Variants in PSAP observed in about 807,000 individuals in gnomAD.
The protein encoded by PSAP is precursor of saposins.
A neutral mutation model predicts 66.0 loss-of-function variants in PSAP; 25 were observed. The ratio of observed to expected loss-of-function variants is 0.38; its 90% CI spans 0.28 to 0.53. The LOEUF (loss-of-function observed/expected upper bound fraction) is 0.53, where lower values mean the gene tolerates loss of function less well. PSAP is among the 20% of genes least tolerant of loss of function. The pLI, the probability that PSAP is intolerant of heterozygous loss-of-function variation, is 0.83. For missense variants in PSAP, 649 were observed against 668.8 expected (o/e 0.97, Z 0.33); for synonymous variants, 273 against 258.9 (o/e 1.05, Z -0.52).
chr10:71,831,362 A>T (rs1842512493), intron 3 of PSAP, 111 bp from the exon 4 acceptor site: 11 of 1,417,682 alleles, frequency 7.8e-6, no homozygotes, highest in Non-Finnish European at 9.7e-6. Context: ...CCTGGAAAAC[A>T]GCCAGCCCTC....
At position 71,851,241 on chromosome 10, in the gene PSAP, G is replaced by A. The variant is rs1262622123; in HGVS notation, c.-20C>T. 5.8e-6 allele frequency: 9 copies of A among 1,550,196 alleles called. No individual in the cohort carries two copies. Among genetic ancestry groups the A allele is most frequent in the African/African-American group, 2.7e-5 (2 of 73,054 alleles). On this transcript the variant is annotated 5_prime_UTR_variant, in exon 1 of 14. Coordinates refer to ENST00000394936, the MANE Select transcript of PSAP (RefSeq NM_002778.4). ...GTACATAGCGCCGTCTGACTCCGCAGTCTGCAATGCGGAGCGTCAGCTGAT... is the reference window on the plus strand; with the variant it reads ...GTACATAGCGCCGTCTGACTCCGCAATCTGCAATGCGGAGCGTCAGCTGAT...
At position 71,816,649 on chromosome 10, in the gene PSAP, A is replaced by C; in HGVS notation, c.*792T>G. On this transcript the variant is annotated 3_prime_UTR_variant, in exon 14 of 14. Transcript: ENST00000394936. ...CCTCAACAGCCAGGGACATGTAGGC[A>C]ACACGAGCAGGCACAGCGCGGCCAC... is the stretch of plus-strand genomic sequence containing the variant. The C allele has an allele frequency of 2.8e-6, 1 of 360,894 alleles. No homozygotes were observed. The highest frequency in any genetic ancestry group is 5.6e-6 in the Non-Finnish European group (1 of 177,240). The allele number at this position is 360,894 out of a possible 1,614,324, so 22.4% of individuals were successfully genotyped here.
At chr10:71,820,051 G>A in intron 9 of PSAP, 151 bp from the exon 10 acceptor site, 2 of 919,260 alleles carry the variant, frequency 2.2e-6, no homozygotes, top group Non-Finnish European at 3.5e-6. Context: ...CAGGGCAATG[G>A]TGTCCACCTC....
In PSAP at chr10:71,817,341, T is replaced by C; in HGVS notation, c.*100A>G. Reference sequence around the variant, plus strand: ...TGGGGGAGGTGGGGGAGCCCTATTTTTATAACAAAGTCAAACAGATCTGTG... The same window carrying C: ...TGGGGGAGGTGGGGGAGCCCTATTTCTATAACAAAGTCAAACAGATCTGTG... On this transcript the variant is annotated 3_prime_UTR_variant, in exon 14 of 14. Transcript: ENST00000394936. 1 of 1,337,930 alleles carries C rather than the reference T, an allele frequency of 7.5e-7. No homozygotes were observed. Among genetic ancestry groups the C allele is most frequent in the Non-Finnish European group, 1.1e-6 (1 of 929,642 alleles). 82.9% of individuals were successfully genotyped at this position (1,337,930 alleles called of 1,614,324 possible).
At chr10:71,851,057 A>C in intron 1 of PSAP, 125 bp downstream of exon 1, 37 of 1,072,166 alleles carry the variant, frequency 3.5e-5, no homozygotes, top group East Asian at 1.1e-4. Context: ...GCGCCTGCGC[A>C]GTGCGCGCGC....
At chr10:71,821,787 A>G (rs771938151) in intron 8 of PSAP, 89 bp downstream of exon 8, 65 of 1,576,744 alleles carry the variant, frequency 4.1e-5, no homozygotes, top group Non-Finnish European at 5.1e-5. Context: ...ACCGAAAGAA[A>G]CAAGTGACTC....
At chr10:71,821,631 A>G (rs1385356640) in intron 8 of PSAP, among the ~76,000 whole-genome samples, 1 of 152,230 alleles carries the variant, frequency 6.6e-6, no homozygotes, top group Non-Finnish European at 1.5e-5. Flanking sequence ...GAAAATACAC[A>G]GGCTAATGAT....
In PSAP at chr10:71,817,392, A is replaced by C; in HGVS notation, c.*49T>G. ...CGTTCATTCCCCCAGACACACAAGT[A>C]GAAAAAAACCAATGCTGTGGTTTCT... On this transcript the variant is annotated 3_prime_UTR_variant, in exon 14 of 14. Transcript: ENST00000394936. 1 of 1,597,898 alleles carries C rather than the reference A, an allele frequency of 6.3e-7. No individual in the cohort carries two copies. The highest frequency in any genetic ancestry group is 8.6e-7 in the Non-Finnish European group (1 of 1,165,094).
chr10:71,846,034 C>T (rs1341664801), intron 1 of PSAP, among the ~76,000 whole-genome samples: 2 of 152,204 alleles, frequency 1.3e-5, no homozygotes, highest in African/African-American at 4.8e-5. Context: ...AAATAGGCCG[C>T]TGTGCTGTTG....
Position 71,829,923 on chromosome 10 carries a change from G to A in PSAP, c.376-846C>T, listed in dbSNP as rs552944015. On this transcript the variant is annotated intron_variant, in intron 4 of 13. Transcript: ENST00000394936. ...TGAGATGGGAGAATCACTTGAACCC[G>A]GAAGGCAGAGGTGCTGTCAGTCAAG... 3.9e-5 allele frequency among the ~76,000 whole-genome samples: 6 copies of A among 152,218 alleles called. No individual in the cohort carries two copies. The South Asian group carries it at 8.3e-4, about 21-fold the overall frequency.
Position 71,825,851 on chromosome 10 carries a change from T to C in PSAP, c.763A>G (p.Met255Val), listed in dbSNP as rs773349568. ...ISQYSEIAIQMMMHMQPKEIC... is the reference protein window; with the variant it reads ...ISQYSEIAIQVMMHMQPKEIC... ...GTGCCACCTACCATGTGCATCATCA[T>C]CTGGATAGCAATTTCAGAATACTGG... The change falls in exon 7 of 14, where the codon ATG becomes GTG. Residue 255 changes from methionine to valine, a missense_variant. By Grantham distance (21) the Met-to-Val change is conservative. Coordinates refer to ENST00000394936, the MANE Select transcript of PSAP (RefSeq NM_002778.4). 104 of 1,613,410 alleles carry C rather than the reference T, an allele frequency of 6.4e-5. No homozygotes were observed. The highest frequency in any genetic ancestry group is 8.5e-5 in the Non-Finnish European group (100 of 1,179,458).
At chr10:71,840,418 C>T (rs1842714435) in intron 1 of PSAP, among the ~76,000 whole-genome samples, 1 of 152,232 alleles carries the variant, frequency 6.6e-6, no homozygotes, top group Non-Finnish European at 1.5e-5. Context: ...ATGCAATGCA[C>T]TCAACACTAG....
In PSAP at chr10:71,831,208, G is replaced by C; in HGVS notation, c.293C>G (p.Pro98Arg). ...GCATGAAGCAGACATGTTCGGTTTC[G>C]GAAGCCAGTCACAGGTCTTCTCCAA... is the stretch of plus-strand genomic sequence containing the variant. ...VYLEKTCDWL[P>R]KPNMSASCKE... The change falls in exon 4 of 14, where the codon CCG (proline) becomes CGG (arginine). Residue 98 changes from proline (P) to arginine (R), a missense_variant. Coordinates refer to ENST00000394936, the MANE Select transcript of PSAP (RefSeq NM_002778.4). 3 of 1,614,026 alleles carry C rather than the reference G, an allele frequency of 1.9e-6. 1 individual carries two copies. The highest frequency in any genetic ancestry group is 2.2e-5 in the South Asian group (2 of 91,066).
intron 1 of PSAP, among the ~76,000 whole-genome samples, chr10:71,837,902 G>A (rs917190373): frequency 6.6e-5 from 10 of 152,362 alleles, no homozygotes; most frequent in African/African-American, 2.4e-4. Flanking sequence ...GAAGCCAAGG[G>A]AAGTAGCGGC....
At chr10:71,833,712 G>A (rs1456215913) in intron 2 of PSAP, among the ~76,000 whole-genome samples, 2 of 152,224 alleles carry the variant, frequency 1.3e-5, no homozygotes, top group Admixed American at 6.5e-5. Flanking sequence ...TCCTGAGAGG[G>A]CTTGGGACCG....
intron 4 of PSAP, 35 bp downstream of exon 4, chr10:71,831,091 C>G: frequency 6.2e-7 from 1 of 1,612,798 alleles, no homozygotes; most frequent in South Asian, 1.1e-5. Context: ...GCCCCAGAAG[C>G]ACCTTCAAGG....
intron 1 of PSAP, among the ~76,000 whole-genome samples, chr10:71,840,389 C>CGAA: frequency 6.6e-6 from 1 of 152,154 alleles, no homozygotes; most frequent in African/African-American, 2.4e-5. Context: ...GCACTTCCAT[C>CGAA]CCCTAAGAGC....
At position 71,834,430 on chromosome 10, in the gene PSAP, G is replaced by A. The variant is rs752367473; in HGVS notation, c.116C>T (p.Ala39Val). Residue 39 changes from alanine (A) to valine (V), a missense_variant, in exon 2 of 14, where the codon GCG becomes GTG. Transcript: ENST00000394936. ...GTGCTTCACTGCCCCGCAGTCGGACGCCGTCTTCACATTCTGGCACCACAC... is the reference window on the plus strand; with the variant it reads ...GTGCTTCACTGCCCCGCAGTCGGACACCGTCTTCACATTCTGGCACCACAC... The part of the protein sequence containing the change: ...SAVWCQNVKT[A>V]SDCGAVKHCL... 5.0e-6 allele frequency: 8 copies of A among 1,613,762 alleles called. No homozygotes were observed. The highest frequency in any genetic ancestry group is 2.2e-5 in the East Asian group (1 of 44,890).
chr10:71,823,681 G>A (rs555064603), intron 7 of PSAP, among the ~76,000 whole-genome samples: 1 of 152,258 alleles, frequency 6.6e-6, no homozygotes, highest in East Asian at 1.9e-4. Context: ...CCCCGAAGGG[G>A]AGATGAGACC....
Sources: allele counts gnomAD v4.1 joint callset (sites outside exome capture counted in the v4.1 genomes callset), GRCh38; gene constraint gnomAD v4.1.1; transcripts MANE v1.5; gene names NCBI Gene and HGNC (gene_info 2026-07-23, HGNC 2026-07-21).